Variants in ZNF215 observed in about 807,000 individuals in gnomAD.
The protein encoded by ZNF215 is zinc finger protein 215.
A neutral mutation model predicts 27.2 loss-of-function variants in ZNF215; 24 were observed. The ratio of observed to expected loss-of-function variants is 0.88; its 90% CI spans 0.64 to 1.24. The LOEUF (loss-of-function observed/expected upper bound fraction) is 1.24. Ranked by LOEUF, ZNF215 falls within the 50% of genes most tolerant of loss-of-function variation. ZNF215 has a pLI of 0.00. For missense variants in ZNF215, 675 were observed against 605.7 expected (o/e 1.11, Z -1.20); for synonymous variants, 210 against 204.0 (o/e 1.03, Z -0.25).
In ZNF215 at chr11:6,932,569, C is replaced by A. The variant is rs1025547497; in HGVS notation, c.297C>A (p.Ile99=). ...TGGTGCTGGAACAATTCCTGGCAAT[C>A]CTGCCTGAAGAAGTCAGGACTTGGG... The part of the protein sequence containing the change: ...ELLVLEQFLA[I]LPEEVRTWVN... The change falls in exon 3 of 7, where the codon ATC becomes ATA. Residue 99 remains isoleucine, a synonymous_variant. Transcript: ENST00000278319. The A allele has an allele frequency of 6.2e-7, 1 of 1,614,078 alleles. No individual in the cohort carries two copies. Among genetic ancestry groups the A allele is most frequent in the Non-Finnish European group, 8.5e-7 (1 of 1,180,034 alleles).
intron 5 of ZNF215, among the ~76,000 whole-genome samples, chr11:6,965,130 A>T (rs1369849633): frequency 9.2e-5 from 14 of 152,172 alleles, no homozygotes; most frequent in Non-Finnish European, 4.4e-5. Context: ...AAAGACAAAG[A>T]TGCAGAAGAA....
intron 6 of ZNF215, among the ~76,000 whole-genome samples, chr11:6,944,198 C>G (rs1379729217): frequency 6.6e-6 from 1 of 151,816 alleles, no homozygotes; most frequent in African/African-American, 2.4e-5. Flanking sequence ...ATGGCGTGAA[C>G]CCGGGAGGCG....
At chr11:6,970,079 G>A (rs1415960701) in intron 5 of ZNF215, among the ~76,000 whole-genome samples, 2 of 150,454 alleles carry the variant, frequency 1.3e-5, no homozygotes, top group Non-Finnish European at 3.0e-5. Flanking sequence ...ACTGTGCCTG[G>A]CCAGCATTGG....
chr11:6,969,172 A>G (rs1850676850), intron 5 of ZNF215, among the ~76,000 whole-genome samples: 1 of 152,200 alleles, frequency 6.6e-6, no homozygotes, highest in Admixed American at 6.5e-5. Flanking sequence ...TGCTTTTAAG[A>G]AAGAAAGAAA....
intron 5 of ZNF215, among the ~76,000 whole-genome samples, chr11:6,980,729 A>C (rs1426171148): frequency 1.3e-5 from 2 of 149,348 alleles, no homozygotes; most frequent in African/African-American, 4.9e-5. Flanking sequence ...ATTTAGCATT[A>C]GGTATATCTC....
At chr11:6,967,899 T>C (rs889644311) in intron 5 of ZNF215, among the ~76,000 whole-genome samples, 3 of 152,178 alleles carry the variant, frequency 2.0e-5, no homozygotes, top group Non-Finnish European at 4.4e-5. Flanking sequence ...TAGGTTTTCT[T>C]GTAGGTTGTG....
chr11:6,955,526 T>C (rs1437718719), intron 6 of ZNF215, among the ~76,000 whole-genome samples, 164 bp from the exon 7 acceptor site: 3 of 152,224 alleles, frequency 2.0e-5, no homozygotes, highest in African/African-American at 4.8e-5. Context: ...TTAACATTTT[T>C]GTACCATTTA....
intron 6 of ZNF215, among the ~76,000 whole-genome samples, chr11:6,945,741 A>G (rs992781577): frequency 1.3e-5 from 2 of 152,184 alleles, no homozygotes; most frequent in African/African-American, 4.8e-5. Flanking sequence ...GCTATCTGAT[A>G]AATTTCAGAG....
In ZNF215 at chr11:6,956,589, G is replaced by T. The variant is rs773720376; in HGVS notation, c.*58G>T. The T allele has an allele frequency of 4.5e-5, 66 of 1,482,552 alleles. No homozygotes were observed. Among genetic ancestry groups the T allele is most frequent in the Non-Finnish European group, 5.9e-5 (66 of 1,123,952 alleles). The allele number at this position is 1,482,552 out of a possible 1,614,324, so 91.8% of individuals were successfully genotyped here. Reference sequence around the variant, plus strand: ...GAATGCAGAACTCATTTAACATCATGAATTTATGCTGGATAAAATCTCATG... The same window carrying T: ...GAATGCAGAACTCATTTAACATCATTAATTTATGCTGGATAAAATCTCATG... On this transcript the variant is annotated 3_prime_UTR_variant, in exon 7 of 7. Transcript: ENST00000278319.
downstream of ZNF215, chr11:6,988,152 A>G (rs1851079986): frequency 3.1e-6 from 3 of 976,832 alleles, no homozygotes; most frequent in Non-Finnish European, 3.6e-6. Context: ...CCAATGCATA[A>G]TCTGTTCAAT....
intron 5 of ZNF215, among the ~76,000 whole-genome samples, chr11:6,963,938 G>C (rs1215430131): frequency 1.3e-5 from 2 of 152,032 alleles, no homozygotes; most frequent in African/African-American, 4.8e-5. Context: ...TTACACCACA[G>C]AAACAAATGC....
At chr11:6,984,264 T>G in exon 6 of ZNF215, 1 of 238,742 alleles carries the variant, frequency 4.2e-6, no homozygotes, top group African/African-American at 2.4e-5. Context: ...CCCACCACCA[T>G]GCCTAGCTAA....
rs528351583 is a variant in ZNF215 at position 6,932,415 on chromosome 11, G to A, written c.143G>A (p.Arg48His). The A allele has an allele frequency of 6.2e-6, 10 of 1,614,124 alleles. No individual in the cohort carries two copies. Among genetic ancestry groups the A allele is most frequent in the South Asian group, 4.4e-5 (4 of 91,070 alleles). The change falls in exon 3 of 7, where the codon CGT becomes CAT. Residue 48 changes from arginine to histidine, a missense_variant. Physicochemically the swap from Arg to His is conservative, Grantham distance 29. Coordinates refer to ENST00000278319, the MANE Select transcript of ZNF215 (RefSeq NM_013250.4). ...VVETHDSEAS[R>H]QKFRHFQYLK... ...GAGACACATGACTCTGAGGCATCTC[G>A]TCAAAAGTTCAGACATTTCCAGTAT...
At chr11:6,994,223 CTAA>C (rs1487187844) in intron 6 of ZNF215, among the ~76,000 whole-genome samples, 6 of 150,308 alleles carry the variant, frequency 4.0e-5, no homozygotes, top group African/African-American at 1.5e-4. Flanking sequence ...CCATTTAATA[CTAA>C]TATCGCATAT....
At chr11:6,943,299 G>C in intron 5 of ZNF215, 84 bp downstream of exon 5, 1 of 1,523,924 alleles carries the variant, frequency 6.6e-7, no homozygotes, top group Non-Finnish European at 8.8e-7. Context: ...AAGTGGCTAA[G>C]TTCACTTTTG....
Position 6,943,132 on chromosome 11 carries a change from G to T in ZNF215, c.533G>T (p.Trp178Leu). ...GTTGTGGAATTCAGCAAGGAAGAGT[G>T]GGGGCAACTGGACTCTGCTGTAAAG... is the stretch of plus-strand genomic sequence containing the variant. ...DVVVEFSKEE[W>L]GQLDSAVKNL... The change falls in exon 5 of 7, where the codon TGG (tryptophan) becomes TTG (leucine). Residue 178 changes from tryptophan (W) to leucine (L), a missense_variant. Physicochemically the swap from Trp to Leu is moderately conservative, Grantham distance 61. Coordinates refer to ENST00000278319, the MANE Select transcript of ZNF215 (RefSeq NM_013250.4). 6.2e-7 allele frequency: 1 copy of T among 1,614,046 alleles called. No individual in the cohort carries two copies. Among genetic ancestry groups the T allele is most frequent in the Non-Finnish European group, 8.5e-7 (1 of 1,179,962 alleles).
intron 5 of ZNF215, among the ~76,000 whole-genome samples, chr11:6,969,086 G>A (rs891365923): frequency 3.9e-5 from 6 of 151,980 alleles, no homozygotes; most frequent in African/African-American, 1.2e-4. Context: ...GGGTACTTTG[G>A]TGTTGAATCA....
chr11:6,966,138 G>C (rs979148939), intron 5 of ZNF215, among the ~76,000 whole-genome samples: 1 of 152,012 alleles, frequency 6.6e-6, no homozygotes, highest in Non-Finnish European at 1.5e-5. Flanking sequence ...CTTAGCACTT[G>C]GTGTCTTTCA....
At chr11:6,958,819 C>T (rs999646465), downstream of ZNF215, among the ~76,000 whole-genome samples, 2 of 152,162 alleles carry the variant, frequency 1.3e-5, no homozygotes, top group Non-Finnish European at 2.9e-5. Context: ...AAGCTGAACT[C>T]GGAGTCTGAT....
Sources: gnomAD v4.1 joint callset for allele counts (sites outside exome capture counted in the v4.1 genomes callset) on GRCh38, gnomAD v4.1.1 for gene constraint, MANE v1.5 for transcripts, NCBI Gene and HGNC (gene_info 2026-07-23, HGNC 2026-07-21) for gene names.